PIGN: variants seen among roughly 807,000 people sequenced by gnomAD.
PIGN encodes GPI ethanolamine phosphate transferase 1.
PIGN carries 117 observed loss-of-function variants against 125.4 expected under a neutral mutation model. The observed-to-expected ratio is 0.93, with a 90% CI of 0.80 to 1.09. The LOEUF is 1.09. PIGN is among the 50% of genes least tolerant of loss of function. The pLI is 0.00. For synonymous variants in PIGN, 392 were observed against 377.8 expected (o/e 1.04, Z -0.44); for missense variants, 1,075 against 1,094.9 (o/e 0.98, Z 0.26).
chr18:62,172,876 G>C (rs377221293), intron 1 of PIGN, among the ~76,000 whole-genome samples: 2 of 152,194 alleles, frequency 1.3e-5, no homozygotes, highest in African/African-American at 4.8e-5. Flanking sequence ...CACTGTTACT[G>C]TTTCCTTATC....
chr18:62,111,682 C>G (rs1445173575), intron 16 of PIGN, among the ~76,000 whole-genome samples: 2 of 152,136 alleles, frequency 1.3e-5, no homozygotes, highest in Non-Finnish European at 2.9e-5. Flanking sequence ...CTTGTCCAGT[C>G]TGCAGCCCAC....
intron 30 of PIGN, among the ~76,000 whole-genome samples, chr18:62,069,023 C>A (rs1179128290): frequency 2.6e-5 from 4 of 152,216 alleles, no homozygotes; most frequent in Non-Finnish European, 5.9e-5. Context: ...CAGCCTTATG[C>A]TTCCTGAAAG....
intron 10 of PIGN, among the ~76,000 whole-genome samples, chr18:62,144,980 G>A (rs2036265716): frequency 7.3e-6 from 1 of 136,302 alleles, no homozygotes; most frequent in African/African-American, 2.7e-5. Context: ...TTAGAGACAC[G>A]GCAAGAACCT....
intron 21 of PIGN, among the ~76,000 whole-genome samples, chr18:62,102,055 C>G (rs896358495): frequency 4.5e-4 from 69 of 151,686 alleles, no homozygotes; most frequent in African/African-American, 1.6e-3. Flanking sequence ...TGGTGAAACC[C>G]TGACTCTACT....
At chr18:62,092,811 T>G (rs905038953) in intron 23 of PIGN, among the ~76,000 whole-genome samples, 1 of 152,060 alleles carries the variant, frequency 6.6e-6, no homozygotes, top group Non-Finnish European at 1.5e-5. Flanking sequence ...AAACAAATAT[T>G]TACAATGCTT....
intron 1 of PIGN, among the ~76,000 whole-genome samples, chr18:62,186,033 C>T (rs922414308): frequency 7.0e-6 from 1 of 142,812 alleles, no homozygotes; most frequent in African/African-American, 2.6e-5. Context: ...TCCTTATTAG[C>T]GGAATTGATT....
intron 30 of PIGN, among the ~76,000 whole-genome samples, chr18:62,064,708 TATC>T (rs1476078966): frequency 1.3e-5 from 2 of 152,212 alleles, no homozygotes; most frequent in Non-Finnish European, 2.9e-5. Context: ...ACTCTAGTAA[TATC>T]ATTATCATCA....
At chr18:62,067,072 A>G (rs2032561661) in intron 30 of PIGN, among the ~76,000 whole-genome samples, 1 of 152,200 alleles carries the variant, frequency 6.6e-6, no homozygotes, top group East Asian at 1.9e-4. Context: ...AAGCAAAATA[A>G]TGGAGAAAGA....
chr18:62,145,975 A>G lies in PIGN; in HGVS notation c.856T>C (p.Trp286Arg), dbSNP rs748795564. Residue 286 changes from tryptophan (W) to arginine (R), a missense_variant, in exon 10 of 31, where the codon TGG (tryptophan) becomes CGG (arginine). This residue lies in a region of PIGN where 915 missense variants were observed against 908.7 expected (regional missense o/e 1.01). Coordinates refer to ENST00000640252, the MANE Select transcript of PIGN (RefSeq NM_176787.5). Reference sequence around the variant, plus strand: ...TGGGGATACTTGATTCCAGCTCCCCAAGTGACTAAAGGAGTTAAAGTCTCT... The same window carrying G: ...TGGGGATACTTGATTCCAGCTCCCCGAGTGACTAAAGGAGTTAAAGTCTCT... The part of the protein sequence containing the change: ...PSETLTPLVT[W>R]GAGIKYPQRV... 1.9e-6 allele frequency: 3 copies of G among 1,609,520 alleles called. No individual in the cohort carries two copies. Among genetic ancestry groups the G allele is most frequent in the Non-Finnish European group, 1.7e-6 (2 of 1,177,002 alleles).
Position 62,045,888 on chromosome 18 carries a change from G to C in PIGN, c.2764C>G (p.Leu922Val). ...AQLLTTKKLR[L>V]CGKPKSHFM ...AAGTGACTTTTGGGTTTGCCACATA[G>C]TCTGAGTTTCTTCGTTGTGAGCAGC... Residue 922 changes from leucine (L) to valine (V), a missense_variant, in exon 31 of 31, where the codon CTA (leucine) becomes GTA (valine). Leu to Val is a conservative substitution (Grantham distance 32, BLOSUM62 1). Transcript: ENST00000640252. 6.2e-7 allele frequency: 1 copy of C among 1,613,868 alleles called. No individual in the cohort carries two copies. The highest frequency in any genetic ancestry group is 2.2e-5 in the East Asian group (1 of 44,872).
rs776077870 is a variant in PIGN, at chr18:62,107,001, C to G, written c.1659G>C (p.Leu553=). 5.1e-6 allele frequency: 8 copies of G among 1,583,852 alleles called. No homozygotes were observed. The African/African-American group carries it at 9.4e-5, about 19-fold the overall frequency. Residue 553 remains leucine, a synonymous_variant, in exon 18 of 31, where the codon CTG becomes CTC. Transcript: ENST00000640252. ...HFVGYLLAFT[L]GIEVLVLSFF... is the part of the protein sequence containing the mutation. ...AGTTACTTACTAATACTTCAATTCC[C>G]AGGGTAAAGGCTAACAGGTACCCAA...
chr18:62,134,678 C>T (rs1300213772), intron 14 of PIGN, among the ~76,000 whole-genome samples: 1 of 152,158 alleles, frequency 6.6e-6, no homozygotes, highest in Non-Finnish European at 1.5e-5. Context: ...TAAATACTGT[C>T]CACTGAAAAA....
intron 30 of PIGN, chr18:62,070,551 T>A (rs1025869780): frequency 2.0e-5 from 8 of 397,846 alleles, no homozygotes; most frequent in Non-Finnish European, 3.1e-5. Context: ...ACACATGGTG[T>A]CTCCTGCAAA....
intron 28 of PIGN, among the ~76,000 whole-genome samples, chr18:62,082,015 C>T (rs1011718733): frequency 5.9e-5 from 9 of 152,058 alleles, no homozygotes; most frequent in African/African-American, 1.7e-4. Context: ...AACAAAACTG[C>T]TAAGCTTCAT....
intron 30 of PIGN, chr18:62,072,416 A>G (rs2032932024): frequency 3.4e-6 from 1 of 293,608 alleles, no homozygotes; most frequent in East Asian, 5.6e-5. Flanking sequence ...TTTTTACTAT[A>G]CCTTTTCTAT....
intron 30 of PIGN, among the ~76,000 whole-genome samples, chr18:62,071,863 C>CATATATATATATATAT (rs61508545): frequency 1.0e-4 from 8 of 77,604 alleles, no homozygotes; most frequent in Non-Finnish European, 1.0e-4. Context: ...ACTCCTTTTC[C>CATATATATATATATAT]ATATATATAT....
chr18:62,079,949 T>C (rs1169338892), intron 28 of PIGN, among the ~76,000 whole-genome samples: 4 of 152,200 alleles, frequency 2.6e-5, no homozygotes, highest in South Asian at 4.1e-4. Context: ...TTCAATATTA[T>C]AATAATTCTG....
chr18:62,153,670 AAAATTTCAAGGG>A (rs2036617981), intron 7 of PIGN: 1 of 152,200 alleles, frequency 6.6e-6, no homozygotes, highest in African/African-American at 2.4e-5. Flanking sequence ...AAGTAAAAAG[AAAATTTCAAGGG>A]AAAAACCCTT....
At chr18:62,122,090 C>T (rs1238224724) in intron 14 of PIGN, among the ~76,000 whole-genome samples, 3 of 152,008 alleles carry the variant, frequency 2.0e-5, no homozygotes. Flanking sequence ...GTATAAATAA[C>T]ACAGTTTGAT....
Sources: gnomAD v4.1 joint callset for allele counts (sites outside exome capture counted in the v4.1 genomes callset) on GRCh38, gnomAD v4.1.1 for gene constraint, gnomAD v4.1.1 regional missense constraint, MANE v1.5 for transcripts, NCBI Gene and HGNC (gene_info 2026-07-23, HGNC 2026-07-21) for gene names.